RGS8: variants seen among roughly 807,000 people sequenced by gnomAD.
RGS8 encodes the protein regulator of G-protein signaling 8.
A neutral mutation model predicts 21.7 loss-of-function variants in RGS8; 8 were observed. The observed-to-expected ratio is 0.37, with a 90% CI of 0.22 to 0.66. RGS8 has a LOEUF of 0.66. RGS8 is among the 30% of genes least tolerant of loss of function. The pLI is 0.59. For synonymous variants in RGS8, 80 were observed against 83.6 expected (o/e 0.96, Z 0.24); for missense variants, 157 against 217.9 (o/e 0.72, Z 1.76).
intron 1 of RGS8, among the ~76,000 whole-genome samples, chr1:182,681,382 G>A (rs1193493864): frequency 6.6e-6 from 1 of 152,144 alleles, no homozygotes; most frequent in East Asian, 1.9e-4. Context: ...TACAGCTGTG[G>A]GCAGAGAGCA....
chr1:182,748,995 G>T, the RGS8 span, among the ~76,000 whole-genome samples: 3 of 152,092 alleles, frequency 2.0e-5, no homozygotes, highest in Admixed American at 2.0e-4. Context: ...TATTTTGAAT[G>T]TTAACTCTGA....
upstream of RGS8, among the ~76,000 whole-genome samples, chr1:182,677,546 CA>C (rs1312406817): frequency 6.6e-6 from 1 of 152,078 alleles, no homozygotes; most frequent in Non-Finnish European, 1.5e-5. Flanking sequence ...ACTTTTTTAC[CA>C]CCTGCTCAGC....
chr1:182,646,733 G>C (rs376778898), exon 7 of RGS8: 1 of 1,610,254 alleles, frequency 6.2e-7, no homozygotes, highest in East Asian at 2.2e-5. Flanking sequence ...CCCTTCTGAG[G>C]TCTAACTGAG....
At chr1:182,722,648 TTGCC>T in the RGS8 span, among the ~76,000 whole-genome samples, 1 of 152,108 alleles carries the variant, frequency 6.6e-6, no homozygotes, top group African/African-American at 2.4e-5. Context: ...TGTGGCCTTC[TTGCC>T]TGCATCTCTA....
the RGS8 span, among the ~76,000 whole-genome samples, chr1:182,735,253 A>G: frequency 3.9e-5 from 6 of 152,240 alleles, no homozygotes; most frequent in Admixed American, 2.0e-4. Context: ...AACATCAAAC[A>G]TTTTAATGCA....
chr1:182,692,722 C>T, the RGS8 span, among the ~76,000 whole-genome samples: 1 of 135,548 alleles, frequency 7.4e-6, no homozygotes, highest in Non-Finnish European at 1.6e-5. Context: ...CACTACCCAA[C>T]TTCAAACTGT....
intron 1 of RGS8, among the ~76,000 whole-genome samples, chr1:182,682,018 C>T (rs1325486812): frequency 6.6e-6 from 1 of 152,112 alleles, no homozygotes; most frequent in Non-Finnish European, 1.5e-5. Flanking sequence ...CCCCCAGGCA[C>T]AGAGGGGAAG....
At chr1:182,699,797 T>C in the RGS8 span, among the ~76,000 whole-genome samples, 1 of 152,214 alleles carries the variant, frequency 6.6e-6, no homozygotes, top group Non-Finnish European at 1.5e-5. Context: ...TCTCTATTCC[T>C]GGAGCCAAAA....
chr1:182,646,958 G>A (rs1557880640), intron 6 of RGS8, 41 bp from the exon 8 acceptor site: 9 of 1,555,158 alleles, frequency 5.8e-6, no homozygotes, highest in Non-Finnish European at 7.8e-6. Context: ...GGCCCTCAAG[G>A]GCCAAGGTTT....
the RGS8 span, among the ~76,000 whole-genome samples, chr1:182,751,624 C>G: frequency 7.7e-6 from 1 of 129,384 alleles, no homozygotes; most frequent in Non-Finnish European, 1.8e-5. Flanking sequence ...TTTTTCTAAC[C>G]AACAACTTAA....
the RGS8 span, among the ~76,000 whole-genome samples, chr1:182,700,579 GTCT>G: frequency 6.6e-6 from 1 of 152,190 alleles, no homozygotes; most frequent in Non-Finnish European, 1.5e-5. Flanking sequence ...TGCATCTTCC[GTCT>G]TCTAATTCCC....
chr1:182,646,792 G>A (rs770507831), exon 7 of RGS8: 7 of 1,614,056 alleles, frequency 4.3e-6, no homozygotes, highest in African/African-American at 1.3e-5. Flanking sequence ...TGGACCTCAG[G>A]AACCTGGGGT....
At chr1:182,706,876 T>G in the RGS8 span, among the ~76,000 whole-genome samples, 1 of 152,232 alleles carries the variant, frequency 6.6e-6, no homozygotes, top group South Asian at 2.1e-4. Context: ...TATCTCAGTA[T>G]GAATTCATTT....
chr1:182,711,241 GC>G, the RGS8 span, among the ~76,000 whole-genome samples: 1 of 152,260 alleles, frequency 6.6e-6, no homozygotes, highest in Non-Finnish European at 1.5e-5. Context: ...ACTACTTCTG[GC>G]AAGGCTTGGC....
intron 5 of RGS8, among the ~76,000 whole-genome samples, chr1:182,663,838 G>C (rs935135814): frequency 3.3e-5 from 5 of 151,884 alleles, no homozygotes; most frequent in African/African-American, 1.2e-4. Flanking sequence ...TAATTTGTTA[G>C]AATTATTATT....
intron 5 of RGS8, among the ~76,000 whole-genome samples, chr1:182,662,301 C>T (rs527254612): frequency 6.6e-6 from 1 of 152,150 alleles, no homozygotes; most frequent in Non-Finnish European, 1.5e-5. Context: ...TTTTACATAA[C>T]CCTGCAGGCA....
At chr1:182,735,864 A>C in the RGS8 span, among the ~76,000 whole-genome samples, 1 of 152,124 alleles carries the variant, frequency 6.6e-6, no homozygotes, top group Admixed American at 6.5e-5. Context: ...AACCTTACTA[A>C]CCTGGGCAGG....
chr1:182,705,557 G>A, the RGS8 span, among the ~76,000 whole-genome samples: 1 of 135,544 alleles, frequency 7.4e-6, no homozygotes, highest in Non-Finnish European at 1.6e-5. Flanking sequence ...ACTTTATCTA[G>A]AACATGCAGC....
chr1:182,692,695 A>G, the RGS8 span, among the ~76,000 whole-genome samples: 1 of 151,150 alleles, frequency 6.6e-6, no homozygotes, highest in African/African-American at 2.4e-5. Context: ...AAAAAAAAAA[A>G]AAAGCTGGAG....
Sources: allele counts gnomAD v4.1 joint callset (sites outside exome capture counted in the v4.1 genomes callset), GRCh38; gene constraint gnomAD v4.1.1; transcripts MANE v1.5; gene names NCBI Gene and HGNC (gene_info 2026-07-23, HGNC 2026-07-21).